Variants in SLC9A4 observed in about 807,000 individuals in gnomAD.
The protein encoded by SLC9A4 is sodium/hydrogen exchanger 4.
A neutral mutation model predicts 67.4 loss-of-function variants in SLC9A4; 63 were observed. The observed-to-expected ratio is 0.93, with a 90% CI of 0.76 to 1.15. The LOEUF is 1.15. SLC9A4 is among the 50% of genes most tolerant of loss of function. The pLI, the probability that SLC9A4 is intolerant of heterozygous loss-of-function variation, is 0.00. For missense variants in SLC9A4, 1,089 were observed against 987.7 expected (o/e 1.10, Z -1.38); for synonymous variants, 393 against 367.2 (o/e 1.07, Z -0.80).
intron 9 of SLC9A4, 110 bp downstream of exon 9, chr2:102,520,065 G>A (rs936995470): frequency 7.6e-6 from 6 of 790,544 alleles, no homozygotes; most frequent in Non-Finnish European, 1.2e-5. Context: ...CCCTCTGTAA[G>A]GTGGTAACTT....
chr2:102,478,006 C>T (rs1186609306), intron 1 of SLC9A4, among the ~76,000 whole-genome samples: 2 of 152,188 alleles, frequency 1.3e-5, no homozygotes, highest in African/African-American at 2.4e-5. Flanking sequence ...TTCCACCTGG[C>T]GGTACTTAAC....
At chr2:102,508,021 C>T in intron 4 of SLC9A4, 58 bp from the exon 5 acceptor site, 1 of 1,546,684 alleles carries the variant, frequency 6.5e-7, no homozygotes, top group Non-Finnish European at 8.9e-7. Context: ...AGTTCACTAG[C>T]TCTGTATCTC....
At chr2:102,512,018 TTGAAATTACTA>T (rs1685172580) in intron 6 of SLC9A4, among the ~76,000 whole-genome samples, 174 bp from the exon 7 acceptor site, 2 of 152,190 alleles carry the variant, frequency 1.3e-5, no homozygotes, top group Non-Finnish European at 2.9e-5. Context: ...TAAACCAAAG[TTGAAATTACTA>T]TGAAATTACT....
intron 2 of SLC9A4, among the ~76,000 whole-genome samples, chr2:102,483,799 CATATATATATATAT>C (rs61195337): frequency 0.11 from 12,310 of 114,272 alleles, 935 homozygotes; most frequent in African/African-American, 0.21. Context: ...CCATGTACAG[CATATATATATATAT>C]ATATATATAT....
At chr2:102,500,045 A>G (rs1284130453) in intron 2 of SLC9A4, among the ~76,000 whole-genome samples, 1 of 152,190 alleles carries the variant, frequency 6.6e-6, no homozygotes, top group Non-Finnish European at 1.5e-5. Flanking sequence ...GCTCACCTGG[A>G]ACTGCAGGAT....
At chr2:102,507,504 G>A (rs1267585231) in intron 4 of SLC9A4, among the ~76,000 whole-genome samples, 1 of 152,078 alleles carries the variant, frequency 6.6e-6, no homozygotes, top group Non-Finnish European at 1.5e-5. Context: ...GAAGCTCACT[G>A]AGAGTAAGAA....
At chr2:102,526,853 G>A (rs7576682) in intron 11 of SLC9A4, among the ~76,000 whole-genome samples, 16,424 of 152,024 alleles carry the variant, frequency 0.11, 1,163 homozygotes, top group African/African-American at 0.19. Flanking sequence ...TAGAATTATT[G>A]AAACTTTATT....
At chr2:102,517,536 T>C (rs1482963971) in intron 8 of SLC9A4, among the ~76,000 whole-genome samples, 1 of 152,156 alleles carries the variant, frequency 6.6e-6, no homozygotes, top group Non-Finnish European at 1.5e-5. Flanking sequence ...TGGTGGTTGA[T>C]AGGACTGTAG....
intron 9 of SLC9A4, 96 bp downstream of exon 9, chr2:102,520,051 G>T: frequency 1.0e-6 from 1 of 960,786 alleles, no homozygotes; most frequent in South Asian, 1.6e-5. Context: ...TGATGTTCAC[G>T]TCACCCTCTG....
Position 102,479,271 on chromosome 2 carries a change from G to A in SLC9A4, c.689G>A (p.Gly230Glu). The A allele has an allele frequency of 6.2e-7, 1 of 1,612,802 alleles. No homozygotes were observed. The highest frequency in any genetic ancestry group is 8.5e-7 in the Non-Finnish European group (1 of 1,179,518). The change falls in exon 2 of 12, where the codon GGG becomes GAG. Residue 230 changes from glycine to glutamate, a missense_variant. By Grantham distance (98) the Gly-to-Glu change is moderately conservative (BLOSUM62 -2). Transcript: ENST00000295269. ...GAGCAGCTCTACATGATGATCTTTG[G>A]GGAGGCCCTGCTCAATGATGGCATT... ...VNEQLYMMIF[G>E]EALLNDGITV...
chr2:102,481,536 A>G (rs187115001), intron 2 of SLC9A4, among the ~76,000 whole-genome samples: 1 of 152,328 alleles, frequency 6.6e-6, no homozygotes, highest in East Asian at 1.9e-4. Flanking sequence ...TTTTTTTAGT[A>G]TAAGTATGTC....
chr2:102,476,840 A>G (rs1249919357), intron 1 of SLC9A4, among the ~76,000 whole-genome samples: 1 of 152,202 alleles, frequency 6.6e-6, no homozygotes, highest in Non-Finnish European at 1.5e-5. Flanking sequence ...AGAAGAAATA[A>G]GTAAAATAAA....
intron 8 of SLC9A4, among the ~76,000 whole-genome samples, chr2:102,515,635 C>T (rs1685262394): frequency 6.6e-6 from 1 of 151,738 alleles, no homozygotes; most frequent in Non-Finnish European, 1.5e-5. Context: ...CATATCGATC[C>T]TCTATTATTT....
intron 2 of SLC9A4, among the ~76,000 whole-genome samples, chr2:102,483,288 A>C (rs527821074): frequency 6.6e-6 from 1 of 152,238 alleles, no homozygotes; most frequent in Admixed American, 6.5e-5. Flanking sequence ...GAAACCAGAG[A>C]AGCCCCAGGG....
Position 102,532,954 on chromosome 2 carries a change from T to C in SLC9A4, c.*266T>C, listed in dbSNP as rs1573362668. 3.0e-6 allele frequency: 1 copy of C among 330,766 alleles called. No individual in the cohort carries two copies. Among genetic ancestry groups the C allele is most frequent in the Non-Finnish European group, 5.6e-6 (1 of 178,868 alleles). The allele number at this position is 330,766 out of a possible 1,614,324, so 20.5% of individuals were successfully genotyped here. Reference sequence around the variant, plus strand: ...CACCCCAGGAATTAGTCACTAAGAATTCCTAAGAACTTTCTATCAAAAGCA... The same window carrying C: ...CACCCCAGGAATTAGTCACTAAGAACTCCTAAGAACTTTCTATCAAAAGCA... On this transcript the variant is annotated 3_prime_UTR_variant, in exon 12 of 12. Coordinates refer to ENST00000295269, the MANE Select transcript of SLC9A4 (RefSeq NM_001011552.4).
At chr2:102,476,471 C>T (rs761864710) in intron 1 of SLC9A4, among the ~76,000 whole-genome samples, 7 of 152,198 alleles carry the variant, frequency 4.6e-5, no homozygotes, top group African/African-American at 7.2e-5. Context: ...GGTGTGTGGC[C>T]TCTTCCTGCT....
chr2:102,532,623 A>T lies in SLC9A4; in HGVS notation c.2332A>T (p.Thr778Ser), dbSNP rs1249945626. ...ASLVEVRSRW[T>S]ADHGHGRDHH... ...TTTGGTTGAGGTTCGGTCGAGGTGG[A>T]CAGCTGACCATGGACACGGCAGGGA... The change falls in exon 12 of 12, where the codon ACA becomes TCA. Residue 778 changes from threonine to serine, a missense_variant. Thr to Ser is a moderately conservative substitution (Grantham distance 58). Transcript: ENST00000295269. 1.2e-6 allele frequency: 2 copies of T among 1,614,064 alleles called. No individual in the cohort carries two copies. The highest frequency in any genetic ancestry group is 1.7e-6 in the Non-Finnish European group (2 of 1,179,994).
At chr2:102,477,130 CT>C (rs1684351267) in intron 1 of SLC9A4, among the ~76,000 whole-genome samples, 1 of 152,200 alleles carries the variant, frequency 6.6e-6, no homozygotes, top group Non-Finnish European at 1.5e-5. Flanking sequence ...AGTCCACCGC[CT>C]TCCTTAGGTT....
At chr2:102,514,604 C>A (rs1202441632) in intron 8 of SLC9A4, among the ~76,000 whole-genome samples, 1 of 152,170 alleles carries the variant, frequency 6.6e-6, no homozygotes, top group Non-Finnish European at 1.5e-5. Flanking sequence ...TCCTTCCTAC[C>A]ATTATGTTTC....
Sources: allele counts gnomAD v4.1 joint callset (sites outside exome capture counted in the v4.1 genomes callset), GRCh38; gene constraint gnomAD v4.1.1; transcripts MANE v1.5; gene names NCBI Gene and HGNC (gene_info 2026-07-23, HGNC 2026-07-21).